ESR1: variants seen among roughly 807,000 people sequenced by gnomAD.
ESR1 encodes the protein estrogen receptor 1, also known as estrogen receptor.
In ESR1, 12 loss-of-function variants were observed where a neutral mutation model predicts 52.7. That is an observed-to-expected ratio of 0.23 (90% CI 0.15 to 0.37). ESR1 has a LOEUF of 0.37. Ranked by LOEUF, ESR1 falls within the 10% of genes least tolerant of loss-of-function variation. The pLI, the probability that ESR1 is intolerant of heterozygous loss-of-function variation, is 1.00. For missense variants in ESR1, 584 were observed against 779.7 expected, an observed-to-expected ratio of 0.75 and a Z score of 2.99; for synonymous variants, 305 against 316.8, an observed-to-expected ratio of 0.96 and a Z score of 0.39.
At chr6:151,883,849 C>T (rs758910134) in intron 3 of ESR1, among the ~76,000 whole-genome samples, 7 of 152,224 alleles carry the variant, frequency 4.6e-5, no homozygotes, top group East Asian at 3.9e-4. Context: ...GGCCTTTTCT[C>T]GGGGCATCCA....
intron 2 of ESR1, among the ~76,000 whole-genome samples, chr6:151,771,009 C>A (rs541598103): frequency 5.1e-4 from 78 of 152,256 alleles, no homozygotes; most frequent in African/African-American, 1.7e-3. Flanking sequence ...TGAGATGCCC[C>A]AGCTATGCAC....
chr6:151,964,809 T>C (rs757296503), intron 4 of ESR1, among the ~76,000 whole-genome samples: 82 of 152,126 alleles, frequency 5.4e-4, no homozygotes, highest in African/African-American at 1.9e-3. Context: ...GCCCAGCTAA[T>C]TTTTTTGTAT....
intron 1 of ESR1, 145 bp downstream of exon 1, chr6:151,808,509 C>G (rs1778252202): frequency 1.7e-6 from 1 of 600,618 alleles, no homozygotes; most frequent in Admixed American, 4.2e-5. Flanking sequence ...CCGGGGCGCG[C>G]GGCCCAGCCC....
At chr6:152,054,897 G>A (rs548302222) in intron 5 of ESR1, among the ~76,000 whole-genome samples, 3 of 152,192 alleles carry the variant, frequency 2.0e-5, no homozygotes, top group Non-Finnish European at 4.4e-5. Flanking sequence ...GAAATGATTC[G>A]AATCTGTAAA....
intron 4 of ESR1, among the ~76,000 whole-genome samples, chr6:151,978,736 T>C (rs560005621): frequency 6.6e-6 from 1 of 152,188 alleles, no homozygotes; most frequent in South Asian, 2.1e-4. Flanking sequence ...AGAATATAAT[T>C]TTCAACTTAA....
At chr6:151,942,000 C>T (rs914886346) in intron 3 of ESR1, among the ~76,000 whole-genome samples, 3 of 152,132 alleles carry the variant, frequency 2.0e-5, no homozygotes, top group African/African-American at 7.2e-5. Context: ...TCTCCTTACC[C>T]TTCTTGTTAC....
intron 4 of ESR1, among the ~76,000 whole-genome samples, chr6:151,998,684 T>A (rs2041702324): frequency 6.6e-6 from 1 of 152,144 alleles, no homozygotes; most frequent in Non-Finnish European, 1.5e-5. Context: ...TATATCACTA[T>A]ATCAATTGTT....
At chr6:151,920,026 T>A (rs189493235) in intron 3 of ESR1, among the ~76,000 whole-genome samples, 1 of 152,364 alleles carries the variant, frequency 6.6e-6, no homozygotes, top group Admixed American at 6.5e-5. Flanking sequence ...AAAGGCTTTT[T>A]AAGCAGCAAG....
In ESR1 at chr6:152,102,648, C is replaced by G. The variant is rs1448392176; in HGVS notation, c.*3682C>G. On this transcript the variant is annotated 3_prime_UTR_variant, in exon 8 of 8. Transcript: ENST00000206249. ...TCTGTTTCCAACTGCATTTCCTTTC[C>G]AATTGAATTAAAGTGTGGCCTCGTT... The G allele has an allele frequency of 1.4e-5, 3 of 220,592 alleles. No homozygotes were observed. The highest frequency in any genetic ancestry group is 2.7e-5 in the Non-Finnish European group (3 of 110,066). The allele number at this position is 220,592 out of a possible 1,614,324, so 13.7% of individuals were successfully genotyped here. A position where few individuals can be genotyped will look rare whatever the true frequency, so the allele number is the denominator to read the frequency against.
chr6:151,958,057 A>G (rs1254579605), intron 4 of ESR1, among the ~76,000 whole-genome samples: 1 of 152,216 alleles, frequency 6.6e-6, no homozygotes, highest in Non-Finnish European at 1.5e-5. Context: ...ACATCTGTCT[A>G]AAAGGAACGC....
intron 5 of ESR1, among the ~76,000 whole-genome samples, chr6:152,050,454 A>C (rs1236529229): frequency 6.6e-6 from 1 of 152,104 alleles, no homozygotes; most frequent in Non-Finnish European, 1.5e-5. Flanking sequence ...ATATTTTAAA[A>C]ATTTCTCTTA....
At chr6:151,938,124 A>G (rs2034592337) in intron 3 of ESR1, among the ~76,000 whole-genome samples, 1 of 152,224 alleles carries the variant, frequency 6.6e-6, no homozygotes, top group Non-Finnish European at 1.5e-5. Context: ...AAAGAAAGTG[A>G]TTATGCAAAT....
intron 3 of ESR1, among the ~76,000 whole-genome samples, chr6:151,930,753 AT>A (rs879870863): frequency 5.9e-5 from 9 of 151,360 alleles, no homozygotes; most frequent in Admixed American, 1.3e-4. Context: ...TTTTTGTCTG[AT>A]TTTTTTTTAA....
At chr6:151,857,620 C>G (rs557790397) in intron 2 of ESR1, among the ~76,000 whole-genome samples, 1 of 152,182 alleles carries the variant, frequency 6.6e-6, no homozygotes, top group South Asian at 2.1e-4. Flanking sequence ...CCTCTGCCTC[C>G]CGGGTTCAAG....
intron 2 of ESR1, among the ~76,000 whole-genome samples, chr6:151,750,441 C>A (rs1235648835): frequency 6.6e-6 from 1 of 152,044 alleles, no homozygotes; most frequent in African/African-American, 2.4e-5. Context: ...GCATTTGGTT[C>A]CTCAGTCCCA....
upstream of ESR1, among the ~76,000 whole-genome samples, chr6:151,806,536 A>G (rs938630485): frequency 8.1e-5 from 11 of 135,614 alleles, no homozygotes; most frequent in South Asian, 2.3e-4. Context: ...ATATGTATAT[A>G]TATATATATA....
At chr6:152,097,420 A>C (rs1046544643) in intron 7 of ESR1, among the ~76,000 whole-genome samples, 2 of 152,108 alleles carry the variant, frequency 1.3e-5, no homozygotes, top group South Asian at 4.1e-4. Context: ...AAAAAGTAAC[A>C]CTTAAACAAG....
intron 2 of ESR1, among the ~76,000 whole-genome samples, chr6:151,771,451 G>A (rs1467875566): frequency 6.6e-6 from 1 of 152,226 alleles, no homozygotes; most frequent in Non-Finnish European, 1.5e-5. Context: ...TGAGAAATAC[G>A]GCTGGAATTT....
intron 2 of ESR1, among the ~76,000 whole-genome samples, chr6:151,744,784 T>C (rs1783364225): frequency 6.6e-6 from 1 of 152,232 alleles, no homozygotes; most frequent in Admixed American, 6.5e-5. Context: ...AGAAACTGTT[T>C]CTAATCCTGG....
Sources: allele counts gnomAD v4.1 joint callset (sites outside exome capture counted in the v4.1 genomes callset), GRCh38; gene constraint gnomAD v4.1.1; transcripts MANE v1.5; gene names NCBI Gene and HGNC (gene_info 2026-07-23, HGNC 2026-07-21).